ME1: variants seen among roughly 807,000 people sequenced by gnomAD.
The protein encoded by ME1 is NADP-dependent malic enzyme.
ME1 carries 74 observed loss-of-function variants against 66.4 expected under a neutral mutation model. The ratio of observed to expected loss-of-function variants is 1.11; its 90% CI spans 0.92 to 1.35. The LOEUF (loss-of-function observed/expected upper bound fraction) is 1.35, where lower values mean the gene tolerates loss of function less well. ME1 is among the 40% of genes most tolerant of loss of function. The pLI is 0.00. For synonymous variants in ME1, 251 were observed against 235.6 expected, an observed-to-expected ratio of 1.07 and a Z score of -0.60; for missense variants, 750 against 694.1, an observed-to-expected ratio of 1.08 and a Z score of -0.90.
intron 5 of ME1, among the ~76,000 whole-genome samples, chr6:83,326,324 G>C (rs868227566): frequency 6.6e-6 from 1 of 152,170 alleles, no homozygotes; most frequent in Non-Finnish European, 1.5e-5. Flanking sequence ...TCAGGCCATA[G>C]GCATGGGCAA....
chr6:83,212,236 T>C (rs781125306), intron 13 of ME1, 142 bp from the exon 14 acceptor site: 1 of 509,204 alleles, frequency 2.0e-6, no homozygotes, highest in East Asian at 3.2e-5. Flanking sequence ...AAAGCACATA[T>C]AAGCAATGAA....
chr6:83,241,423 G>A (rs534286208), intron 7 of ME1, among the ~76,000 whole-genome samples: 6 of 152,058 alleles, frequency 3.9e-5, no homozygotes, highest in South Asian at 2.1e-4. Flanking sequence ...GGACACTTAC[G>A]GTCAGATAGA....
At chr6:83,341,212 T>C (rs900142443) in intron 5 of ME1, among the ~76,000 whole-genome samples, 2 of 152,154 alleles carry the variant, frequency 1.3e-5, no homozygotes, top group East Asian at 1.9e-4. Context: ...ATATTTCATA[T>C]CCATACTGGA....
chr6:83,223,437 G>A (rs1014733358), intron 12 of ME1, among the ~76,000 whole-genome samples: 3 of 152,240 alleles, frequency 2.0e-5, no homozygotes, highest in African/African-American at 7.2e-5. Context: ...TTAGGGGCAT[G>A]AGCCACCACA....
At chr6:83,243,903 A>ATATATG (rs1554263354) in intron 7 of ME1, among the ~76,000 whole-genome samples, 1 of 142,522 alleles carries the variant, frequency 7.0e-6, no homozygotes, top group African/African-American at 2.6e-5. Flanking sequence ...ATATATATAT[A>ATATATG]TATCAGTTAA....
intron 3 of ME1, among the ~76,000 whole-genome samples, chr6:83,375,590 T>C (rs1049433322): frequency 1.3e-5 from 2 of 152,288 alleles, no homozygotes; most frequent in East Asian, 3.9e-4. Flanking sequence ...TTTATTTCTT[T>C]CTCTTTCCTG....
intron 8 of ME1, among the ~76,000 whole-genome samples, chr6:83,238,229 A>G (rs1252268641): frequency 2.0e-5 from 3 of 152,206 alleles, no homozygotes; most frequent in Non-Finnish European, 4.4e-5. Context: ...CAATTAGGCA[A>G]CAGAATGAAA....
At chr6:83,424,829 C>T (rs1770337967) in intron 1 of ME1, among the ~76,000 whole-genome samples, 1 of 152,072 alleles carries the variant, frequency 6.6e-6, no homozygotes, top group African/African-American at 2.4e-5. Flanking sequence ...GTCTGGAGGG[C>T]TGATTTTATT....
intron 3 of ME1, among the ~76,000 whole-genome samples, chr6:83,394,086 G>A (rs1769684013): frequency 1.3e-5 from 2 of 151,448 alleles, no homozygotes; most frequent in Non-Finnish European, 2.9e-5. Flanking sequence ...TATTTGTATA[G>A]TTAAAATAAT....
At chr6:83,417,735 T>C (rs757682186) in intron 1 of ME1, among the ~76,000 whole-genome samples, 15 of 152,210 alleles carry the variant, frequency 9.9e-5, no homozygotes, top group Non-Finnish European at 2.1e-4. Context: ...ACAACCTTGA[T>C]ATTGATCTCT....
chr6:83,271,274 G>T (rs1298475065), intron 6 of ME1, among the ~76,000 whole-genome samples: 1 of 152,112 alleles, frequency 6.6e-6, no homozygotes, highest in Admixed American at 6.6e-5. Context: ...TAAGTTAAAT[G>T]ACAATTTACA....
chr6:83,276,340 T>C lies in ME1; in HGVS notation c.705-22602A>G, dbSNP rs755145460. On this transcript the variant is annotated intron_variant, in intron 6 of 13. Transcript: ENST00000369705. Reference sequence around the variant, plus strand: ...AATGTTAAGCTAGCTGGTGAACTGCTGGTGCAGATAAAGATTCTGCTGTGA... The same window carrying C: ...AATGTTAAGCTAGCTGGTGAACTGCCGGTGCAGATAAAGATTCTGCTGTGA... 2.0e-4 allele frequency among the ~76,000 whole-genome samples: 31 copies of C among 152,328 alleles called. No homozygotes were observed. In the Middle Eastern group the frequency reaches 0.01, roughly 50 times the overall value.
At chr6:83,317,383 C>T (rs2128539640) in intron 5 of ME1, among the ~76,000 whole-genome samples, 1 of 151,626 alleles carries the variant, frequency 6.6e-6, no homozygotes, top group Admixed American at 6.6e-5. Context: ...CCTTCACATC[C>T]CTTGTAAGTT....
chr6:83,322,541 G>A (rs1035148503), intron 5 of ME1, among the ~76,000 whole-genome samples: 2 of 152,072 alleles, frequency 1.3e-5, no homozygotes, highest in African/African-American at 4.8e-5. Context: ...CAATCAAGTA[G>A]AAGAGAGGAT....
intron 11 of ME1, among the ~76,000 whole-genome samples, chr6:83,226,811 A>G (rs1208719199): frequency 6.6e-6 from 1 of 152,180 alleles, no homozygotes; most frequent in East Asian, 1.9e-4. Flanking sequence ...AGCCAAATAC[A>G]TATTAGTACA....
intron 6 of ME1, among the ~76,000 whole-genome samples, chr6:83,283,850 A>C (rs1170504): frequency 0.35 from 53,456 of 151,916 alleles, 9,616 homozygotes; most frequent in Middle Eastern, 0.49. Context: ...AACAAACTAA[A>C]CCTAAAGCTA....
chr6:83,243,536 T>C (rs1451274470), intron 7 of ME1, among the ~76,000 whole-genome samples: 2 of 70,796 alleles, frequency 2.8e-5, no homozygotes, highest in Non-Finnish European at 5.4e-5. Flanking sequence ...ATCGATATAA[T>C]CTATTATAAT....
chr6:83,301,749 A>G (rs1249022153), intron 6 of ME1, among the ~76,000 whole-genome samples: 1 of 152,184 alleles, frequency 6.6e-6, no homozygotes, highest in Non-Finnish European at 1.5e-5. Flanking sequence ...TAATGAGATA[A>G]CCATCTCACA....
At chr6:83,323,377 A>G (rs2128540742) in intron 5 of ME1, among the ~76,000 whole-genome samples, 1 of 152,298 alleles carries the variant, frequency 6.6e-6, no homozygotes, top group Admixed American at 6.5e-5. Context: ...TAAAGAGTCA[A>G]TACCCATCAG....
Sources: allele counts gnomAD v4.1 joint callset (sites outside exome capture counted in the v4.1 genomes callset), GRCh38; gene constraint gnomAD v4.1.1; transcripts MANE v1.5; gene names NCBI Gene and HGNC (gene_info 2026-07-23, HGNC 2026-07-21).